FRMD5: variants seen among roughly 807,000 people sequenced by gnomAD.
The protein encoded by FRMD5 is FERM domain containing 5, also known as FERM domain-containing protein 5.
In FRMD5, 20 loss-of-function variants were observed where a neutral mutation model predicts 69.0. That is an observed-to-expected ratio of 0.29 (90% CI 0.20 to 0.42). The LOEUF (loss-of-function observed/expected upper bound fraction) is 0.42. Among genes scored for constraint, FRMD5 ranks in the 10% least tolerant of loss-of-function variants. FRMD5 has a pLI of 1.00. For missense variants in FRMD5, 595 were observed against 708.6 expected (o/e 0.84, Z 1.82); for synonymous variants, 271 against 260.1 (o/e 1.04, Z -0.40).
At chr15:44,050,406 C>T (rs1892607306) in intron 1 of FRMD5, among the ~76,000 whole-genome samples, 1 of 152,098 alleles carries the variant, frequency 6.6e-6, no homozygotes. Context: ...GCCGGCCAGG[C>T]TGGAGTGCAG....
chr15:44,119,833 T>G (rs924491107), intron 1 of FRMD5, among the ~76,000 whole-genome samples: 1 of 152,044 alleles, frequency 6.6e-6, no homozygotes, highest in Non-Finnish European at 1.5e-5. Context: ...ACAGGGATCT[T>G]TGCCTGTTTT....
intron 13 of FRMD5, among the ~76,000 whole-genome samples, chr15:43,875,190 C>G (rs1386620368): frequency 6.6e-6 from 1 of 151,826 alleles, no homozygotes; most frequent in Non-Finnish European, 1.5e-5. Flanking sequence ...GAGCAAGACT[C>G]TGCCTCGGGG....
intron 1 of FRMD5, among the ~76,000 whole-genome samples, chr15:44,058,091 C>T (rs1300813471): frequency 6.6e-6 from 1 of 152,148 alleles, no homozygotes; most frequent in Non-Finnish European, 1.5e-5. Context: ...TATTCTGCAA[C>T]TTAACCAAAT....
intron 1 of FRMD5, among the ~76,000 whole-genome samples, chr15:44,132,138 G>C (rs1483791032): frequency 6.6e-6 from 1 of 152,090 alleles, no homozygotes; most frequent in African/African-American, 2.4e-5. Context: ...GTTCACAAAA[G>C]GGTTCACGCT....
At chr15:43,963,507 C>A (rs1379809360) in intron 1 of FRMD5, among the ~76,000 whole-genome samples, 1 of 152,182 alleles carries the variant, frequency 6.6e-6, no homozygotes, top group Non-Finnish European at 1.5e-5. Flanking sequence ...GGCAATTCCT[C>A]AGGGATCTAG....
intron 1 of FRMD5, among the ~76,000 whole-genome samples, chr15:43,973,153 G>A (rs541382202): frequency 5.3e-5 from 8 of 151,936 alleles, no homozygotes; most frequent in Non-Finnish European, 1.0e-4. Context: ...CTCCCGAGTA[G>A]CTGGGACTAC....
At chr15:44,003,206 C>G (rs556983559) in intron 1 of FRMD5, among the ~76,000 whole-genome samples, 2 of 152,248 alleles carry the variant, frequency 1.3e-5, no homozygotes, top group South Asian at 4.1e-4. Context: ...AAAATGTATT[C>G]AGAATCTAAC....
intron 1 of FRMD5, among the ~76,000 whole-genome samples, chr15:44,037,338 T>C (rs1331159649): frequency 1.3e-5 from 2 of 152,144 alleles, no homozygotes; most frequent in Non-Finnish European, 2.9e-5. Context: ...TATGGCTGCC[T>C]AGTATTCCAT....
Position 43,880,549 on chromosome 15 carries a change from C to T in FRMD5, c.1135+3154G>A, listed in dbSNP as rs181991322. Among the ~76,000 whole-genome samples, 94 of 152,380 alleles carry T rather than the reference C, an allele frequency of 6.2e-4. 1 individual carries two copies. In the Middle Eastern group the frequency reaches 0.017, roughly 28 times the overall value. On this transcript the variant is annotated intron_variant, in intron 13 of 13. Transcript: ENST00000417257. ...GATAAAGCCATTTAATTGCTACAAT[C>T]TTTTATTTATTTCCACATCCAAACC...
chr15:44,124,817 T>C (rs2077004022), intron 1 of FRMD5, among the ~76,000 whole-genome samples: 1 of 152,154 alleles, frequency 6.6e-6, no homozygotes, highest in Non-Finnish European at 1.5e-5. Context: ...AATTAGGATA[T>C]ATGAATAAGA....
At chr15:44,102,720 C>T (rs907877093) in intron 1 of FRMD5, among the ~76,000 whole-genome samples, 25 of 152,320 alleles carry the variant, frequency 1.6e-4, no homozygotes, top group Admixed American at 1.0e-3. Flanking sequence ...AGTCCACAGC[C>T]TACCCAAACC....
intron 1 of FRMD5, among the ~76,000 whole-genome samples, chr15:44,107,962 G>C (rs537901809): frequency 6.6e-6 from 1 of 152,070 alleles, no homozygotes; most frequent in Non-Finnish European, 1.5e-5. Flanking sequence ...ATGTGCAATT[G>C]GTTTGGATTT....
At chr15:44,165,133 A>C (rs1446976809) in intron 1 of FRMD5, among the ~76,000 whole-genome samples, 1 of 152,196 alleles carries the variant, frequency 6.6e-6, no homozygotes, top group Non-Finnish European at 1.5e-5. Flanking sequence ...AATCAACCAA[A>C]GTCGGCCAGG....
chr15:43,885,577 T>G (rs2088642920), intron 11 of FRMD5, 104 bp downstream of exon 11: 1 of 953,352 alleles, frequency 1.0e-6, no homozygotes, highest in East Asian at 2.4e-5. Flanking sequence ...CAGACTTTTC[T>G]GAGTCCTCCC....
At chr15:44,082,238 A>G (rs1894026107) in intron 1 of FRMD5, among the ~76,000 whole-genome samples, 1 of 152,014 alleles carries the variant, frequency 6.6e-6, no homozygotes, top group Non-Finnish European at 1.5e-5. Flanking sequence ...TAAAGGTTGC[A>G]GCAAATCTCC....
intron 13 of FRMD5, chr15:43,876,356 T>C (rs2088356946): frequency 6.1e-6 from 5 of 823,696 alleles, no homozygotes; most frequent in Admixed American, 4.0e-5. Flanking sequence ...GGTTTGAGTC[T>C]CAAGTCTGCC....
chr15:44,032,040 T>C (rs1891706288), intron 1 of FRMD5, among the ~76,000 whole-genome samples: 2 of 152,074 alleles, frequency 1.3e-5, no homozygotes, highest in Non-Finnish European at 2.9e-5. Context: ...AGCCCAGGAA[T>C]AAGGCTGCAC....
chr15:44,118,901 G>A (rs148230607), intron 1 of FRMD5, among the ~76,000 whole-genome samples: 1 of 151,896 alleles, frequency 6.6e-6, no homozygotes, highest in African/African-American at 2.4e-5. Context: ...TCAGCCTCCT[G>A]AGTAACTGGG....
chr15:43,871,753 C>A lies in FRMD5; in HGVS notation c.*2132G>T, dbSNP rs2088166128. 1 of 152,214 alleles carries A rather than the reference C, an allele frequency of 6.6e-6. No individual in the cohort carries two copies. Among genetic ancestry groups the A allele is most frequent in the Non-Finnish European group, 1.5e-5 (1 of 68,038 alleles). The allele number at this position is 152,214 out of a possible 1,614,324, so 9.4% of individuals were successfully genotyped here. ...ATGGTCAGAGAAGCCCTCTTCCCTTCTTAGATTCCAGCTGTGTTTTAGCAT... is the reference window on the plus strand; with the variant it reads ...ATGGTCAGAGAAGCCCTCTTCCCTTATTAGATTCCAGCTGTGTTTTAGCAT... On this transcript the variant is annotated 3_prime_UTR_variant, in exon 14 of 14. Transcript: ENST00000417257.
Sources: allele counts gnomAD v4.1 joint callset (sites outside exome capture counted in the v4.1 genomes callset), GRCh38; gene constraint gnomAD v4.1.1; transcripts MANE v1.5; gene names NCBI Gene and HGNC (gene_info 2026-07-23, HGNC 2026-07-21).